Variants in C11orf65 observed in about 807,000 individuals in gnomAD.
C11orf65 encodes chromosome 11 open reading frame 65.
A neutral mutation model predicts 35.3 loss-of-function variants in C11orf65; 38 were observed. That is an observed-to-expected ratio of 1.08 (90% CI 0.83 to 1.41). The LOEUF is 1.41. C11orf65 is among the 40% of genes most tolerant of loss of function. C11orf65 has a pLI of 0.00. For missense variants in C11orf65, 370 were observed against 367.1 expected (o/e 1.01, Z -0.06); for synonymous variants, 105 against 114.4 (o/e 0.92, Z 0.53).
intron 2 of C11orf65, among the ~76,000 whole-genome samples, chr11:108,341,714 GATTT>G (rs1159189177): frequency 6.6e-6 from 1 of 151,974 alleles, no homozygotes; most frequent in Non-Finnish European, 1.5e-5. Context: ...AAGAACAAGG[GATTT>G]ATATGAAGAA....
At chr11:108,437,094 C>A (rs1364788411) in intron 2 of C11orf65, among the ~76,000 whole-genome samples, 468 of 72,246 alleles carry the variant, frequency 6.5e-3, no homozygotes, top group African/African-American at 7.9e-3. Flanking sequence ...CCCATTACGA[C>A]AAAAAAAAAA....
At chr11:108,417,388 C>CA (rs1182351276) in intron 3 of C11orf65, among the ~76,000 whole-genome samples, 1 of 151,750 alleles carries the variant, frequency 6.6e-6, no homozygotes, top group Admixed American at 6.6e-5. Flanking sequence ...ACTAAAAATA[C>CA]AAAAAATTAG....
In C11orf65 at chr11:108,345,916, TC is replaced by T. The variant is rs1565564405; in HGVS notation, c.227-10625del. 2.5e-6 allele frequency: 4 copies of T among 1,613,524 alleles called. No homozygotes were observed. Among genetic ancestry groups the T allele is most frequent in the Non-Finnish European group, 1.7e-6 (2 of 1,179,606 alleles). The stretch of plus-strand genomic sequence containing the variant: ...TAGCTACTTCTTCTATTGGTAATCT[TC>T]TTGTACATATAGTAGATTGAGCACT... On this transcript the variant is annotated intron_variant, in intron 2 of 3. Transcript: ENST00000524755.
chr11:108,467,980 C>A (rs1475911260), upstream of C11orf65, among the ~76,000 whole-genome samples: 1 of 151,886 alleles, frequency 6.6e-6, no homozygotes, highest in African/African-American at 2.4e-5. Context: ...AGTGCACCAC[C>A]ACGCCAGGCT....
At chr11:108,321,183 G>T in intron 6 of C11orf65, 1 of 1,332,476 alleles carries the variant, frequency 7.5e-7, no homozygotes, top group Non-Finnish European at 1.0e-6. Context: ...TTGCTTGTTA[G>T]TATTATTAGA....
intron 2 of C11orf65, among the ~76,000 whole-genome samples, chr11:108,354,057 AT>A (rs1199186632): frequency 8.7e-6 from 1 of 114,804 alleles, no homozygotes; most frequent in Non-Finnish European, 1.8e-5. Flanking sequence ...ATCTAAAAAA[AT>A]ACACACACAC....
chr11:108,355,379 C>A (rs149694895), intron 2 of C11orf65: 1 of 173,722 alleles, frequency 5.8e-6, no homozygotes, highest in East Asian at 1.5e-4. Flanking sequence ...TGGGACAGCT[C>A]ACCTGAATAG....
At chr11:108,428,274 C>T (rs2092936638) in intron 3 of C11orf65, among the ~76,000 whole-genome samples, 1 of 152,080 alleles carries the variant, frequency 6.6e-6, no homozygotes, top group South Asian at 2.1e-4. Context: ...GGATCTAGAA[C>T]CAGAAGTACC....
chr11:108,328,703 T>G (rs964249973), downstream of C11orf65, among the ~76,000 whole-genome samples: 2 of 152,196 alleles, frequency 1.3e-5, no homozygotes, highest in Non-Finnish European at 2.9e-5. Flanking sequence ...TGGGCCACAT[T>G]GCAAGAAGAA....
chr11:108,331,410 G>A (rs898604839), downstream of C11orf65: 2 of 1,599,202 alleles, frequency 1.3e-6, no homozygotes, highest in African/African-American at 2.7e-5. Flanking sequence ...GAAATACCTT[G>A]TTTCTTAATT....
downstream of C11orf65, chr11:108,327,877 A>G: frequency 2.3e-6 from 2 of 857,386 alleles, no homozygotes; most frequent in Non-Finnish European, 3.8e-6. Context: ...TCTATATATT[A>G]TTACTGTTGT....
intron 7 of C11orf65, among the ~76,000 whole-genome samples, chr11:108,392,995 C>A (rs956737734): frequency 6.6e-6 from 1 of 152,100 alleles, no homozygotes; most frequent in African/African-American, 2.4e-5. Flanking sequence ...AATAAAGAGT[C>A]CTAAGTCTAA....
intron 2 of C11orf65, among the ~76,000 whole-genome samples, chr11:108,349,896 A>C (rs1300897935): frequency 3.9e-5 from 6 of 152,218 alleles, no homozygotes; most frequent in Non-Finnish European, 1.5e-5. Flanking sequence ...GAGGCATGTT[A>C]GCTTTTCTGC....
chr11:108,347,625 A>G (rs1417353122), intron 2 of C11orf65, among the ~76,000 whole-genome samples: 1 of 152,156 alleles, frequency 6.6e-6, no homozygotes, highest in Non-Finnish European at 1.5e-5. Context: ...CAGACAGAAG[A>G]TAGAGCAGAT....
chr11:108,401,973 G>A (rs535210806), intron 6 of C11orf65, among the ~76,000 whole-genome samples: 2 of 152,264 alleles, frequency 1.3e-5, no homozygotes, highest in Admixed American at 6.5e-5. Flanking sequence ...GCCAACTCTC[G>A]ATCTAACAAC....
At chr11:108,430,287 C>G (rs2092967425) in intron 3 of C11orf65, among the ~76,000 whole-genome samples, 1 of 134,006 alleles carries the variant, frequency 7.5e-6, no homozygotes, top group Non-Finnish European at 1.6e-5. Flanking sequence ...TGCCACCACG[C>G]CTGGCTAATT....
chr11:108,370,348 A>G (rs1402657601), intron 2 of C11orf65, among the ~76,000 whole-genome samples: 1 of 151,884 alleles, frequency 6.6e-6, no homozygotes, highest in Non-Finnish European at 1.5e-5. Flanking sequence ...TGGATTTTCT[A>G]TATATATAGT....
At chr11:108,347,509 C>G (rs1400259388) in intron 2 of C11orf65, 1 of 690,668 alleles carries the variant, frequency 1.4e-6, no homozygotes, top group Admixed American at 2.6e-5. Context: ...TCAGCATAAA[C>G]AGTTGTCCTA....
Position 108,450,630 on chromosome 11 carries a change from G to T in C11orf65, c.81+10849C>A, listed in dbSNP as rs561290819. Among the ~76,000 whole-genome samples the T allele has an allele frequency of 6.6e-5, 7 of 105,906 alleles. No individual in the cohort carries two copies. In the East Asian group the frequency reaches 1.1e-3, roughly 17 times the overall value. 69.5% of individuals were successfully genotyped at this position (105,906 alleles called of 152,430 possible). A position where few individuals can be genotyped will look rare whatever the true frequency, so the allele number is the denominator to read the frequency against. On this transcript the variant is annotated intron_variant, in intron 2 of 8. Transcript: ENST00000393084. ...CACACTCCAGGGACTGTTGTGGGGT[G>T]GGGGGAGGGGGGAGGGATAGCATTA...
Sources: gnomAD v4.1 joint callset for allele counts (sites outside exome capture counted in the v4.1 genomes callset) on GRCh38, gnomAD v4.1.1 for gene constraint, MANE v1.5 for transcripts, NCBI Gene and HGNC (gene_info 2026-07-23, HGNC 2026-07-21) for gene names.